ANKRD11: variants seen among roughly 807,000 people sequenced by gnomAD.
ANKRD11 encodes the protein ankyrin repeat domain 11.
A neutral mutation model predicts 195.7 loss-of-function variants in ANKRD11; 17 were observed. The observed-to-expected ratio is 0.09, with a 90% confidence interval of 0.06 to 0.13. ANKRD11 has a LOEUF of 0.13. Ranked by LOEUF, ANKRD11 falls within the 10% of genes least tolerant of loss-of-function variation. The pLI, the probability that ANKRD11 is intolerant of heterozygous loss-of-function variation, is 1.00. For missense variants in ANKRD11, 3,735 were observed against 3,566.1 expected, an observed-to-expected ratio of 1.05 and a Z score of -1.21; for synonymous variants, 1,953 against 1,528.1, an observed-to-expected ratio of 1.28 and a Z score of -6.49.
chr16:89,284,169 C>T lies in ANKRD11; in HGVS notation c.2373G>A (p.Lys791=), dbSNP rs138267414. 3.7e-4 allele frequency: 591 copies of T among 1,605,094 alleles called. No individual in the cohort carries two copies. Among genetic ancestry groups the T allele is most frequent in the Non-Finnish European group, 4.8e-4 (562 of 1,177,852 alleles). The change falls in exon 9 of 13, where the codon AAG becomes AAA. Residue 791 remains lysine, a synonymous_variant. Transcript: ENST00000301030. ...DLKEDKISKE[K]EKIFKEDKEK... ...CTTTATCTTCTTTAAAAATCTTCTC[C>T]TTCTCTTTTGAAATTTTGTCCTCTT...
chr16:89,426,152 G>C (rs941051567), intron 1 of ANKRD11, among the ~76,000 whole-genome samples: 1 of 152,086 alleles, frequency 6.6e-6, no homozygotes. Flanking sequence ...CCGGATCCAG[G>C]GGAATGGCAA....
intron 2 of ANKRD11, among the ~76,000 whole-genome samples, chr16:89,410,290 T>C (rs184531177): frequency 1.3e-5 from 2 of 152,234 alleles, no homozygotes; most frequent in Admixed American, 1.3e-4. Flanking sequence ...CCCCAAAAGC[T>C]GTAGTTAGTA....
intron 1 of ANKRD11, among the ~76,000 whole-genome samples, chr16:89,478,258 C>A (rs2057324144): frequency 6.6e-6 from 1 of 152,106 alleles, no homozygotes; most frequent in Admixed American, 6.5e-5. Context: ...CCCATTTTCA[C>A]ATCCAGGGTC....
At chr16:89,370,944 C>A (rs1426781992) in intron 2 of ANKRD11, among the ~76,000 whole-genome samples, 1 of 152,154 alleles carries the variant, frequency 6.6e-6, no homozygotes, top group South Asian at 2.1e-4. Flanking sequence ...GCCCAAGAAC[C>A]AAGCCCTGCG....
intron 2 of ANKRD11, among the ~76,000 whole-genome samples, chr16:89,415,204 C>T (rs1435081995): frequency 2.0e-5 from 3 of 151,752 alleles, no homozygotes; most frequent in Non-Finnish European, 2.9e-5. Flanking sequence ...TCTACCCACC[C>T]CTTCCTCCCA....
At chr16:89,298,026 G>GTGGGGT (rs1439270271) in intron 4 of ANKRD11, 1 of 151,814 alleles carries the variant, frequency 6.6e-6, no homozygotes, top group East Asian at 1.9e-4. Flanking sequence ...CCAGGCCGGG[G>GTGGGGT]TGGGGTAGGG....
At chr16:89,401,899 C>T (rs1393749731) in intron 2 of ANKRD11, among the ~76,000 whole-genome samples, 1 of 151,898 alleles carries the variant, frequency 6.6e-6, no homozygotes, top group Non-Finnish European at 1.5e-5. Context: ...CCAGAGACTC[C>T]CCCATCCCCC....
At chr16:89,297,791 C>T (rs1012553573) in intron 4 of ANKRD11, 1 of 151,974 alleles carries the variant, frequency 6.6e-6, no homozygotes, top group East Asian at 1.9e-4. Flanking sequence ...GTTTCTCTCT[C>T]TTTCTGCCTT....
chr16:89,308,783 G>GC (rs2036444267), intron 3 of ANKRD11, among the ~76,000 whole-genome samples: 1 of 152,192 alleles, frequency 6.6e-6, no homozygotes, highest in Non-Finnish European at 1.5e-5. Context: ...ATGGAATACC[G>GC]CAGGGGGTGC....
intron 2 of ANKRD11, among the ~76,000 whole-genome samples, chr16:89,375,493 CT>C (rs1357170784): frequency 2.0e-5 from 3 of 151,492 alleles, no homozygotes; most frequent in Non-Finnish European, 2.9e-5. Context: ...GAGTTTCACT[CT>C]TGTCGCCCGG....
chr16:89,374,435 A>C (rs1173464769), intron 2 of ANKRD11, among the ~76,000 whole-genome samples: 1 of 152,232 alleles, frequency 6.6e-6, no homozygotes, highest in Non-Finnish European at 1.5e-5. Context: ...TACAACAGGA[A>C]CTGTACATCC....
At chr16:89,391,938 G>A (rs894689710) in intron 2 of ANKRD11, among the ~76,000 whole-genome samples, 14 of 152,226 alleles carry the variant, frequency 9.2e-5, no homozygotes, top group Non-Finnish European at 1.6e-4. Context: ...TATACTGGTC[G>A]AAGCAAGCAT....
intron 1 of ANKRD11, among the ~76,000 whole-genome samples, chr16:89,452,793 A>G (rs1426196730): frequency 6.6e-6 from 1 of 151,636 alleles, no homozygotes; most frequent in Non-Finnish European, 1.5e-5. Flanking sequence ...AAAAAAAAAA[A>G]AAAAAAAAGA....
At chr16:89,463,866 A>G (rs1030399507) in intron 1 of ANKRD11, among the ~76,000 whole-genome samples, 3 of 152,172 alleles carry the variant, frequency 2.0e-5, no homozygotes, top group Non-Finnish European at 4.4e-5. Context: ...AACTTCTTCA[A>G]AACACCTATG....
At chr16:89,441,025 C>A (rs1304806942) in intron 1 of ANKRD11, among the ~76,000 whole-genome samples, 1 of 152,050 alleles carries the variant, frequency 6.6e-6, no homozygotes, top group African/African-American at 2.4e-5. Flanking sequence ...ATCATGAGGT[C>A]AGGAGATCGA....
rs142751531 is a variant in ANKRD11 at position 89,308,548 on chromosome 16, C to T, written c.88-3204G>A. ...ATCAGGAAAATGCAAATGACAGCCACGAGGAGATGCACACCAGCACCCCCA... is the reference window on the plus strand; with the variant it reads ...ATCAGGAAAATGCAAATGACAGCCATGAGGAGATGCACACCAGCACCCCCA... On this transcript the variant is annotated intron_variant, in intron 3 of 12. Transcript: ENST00000301030. 1.2e-3 allele frequency among the ~76,000 whole-genome samples: 178 copies of T among 152,304 alleles called. 1 individual carries two copies. Among genetic ancestry groups the T allele is most frequent in the African/African-American group, 3.9e-3 (164 of 41,558 alleles).
intron 1 of ANKRD11, among the ~76,000 whole-genome samples, chr16:89,456,405 G>T (rs905186097): frequency 1.3e-5 from 2 of 150,866 alleles, no homozygotes; most frequent in Non-Finnish European, 3.0e-5. Context: ...AAAATTAGCC[G>T]AGCGTGGTGG....
rs1372842572 is a variant in ANKRD11 at position 89,279,707 on chromosome 16, C to T, written c.6835G>A (p.Val2279Met). ...CCGTCTGCGGCCTGAGCTTGTGCCA[C>T]AGTGTTCGGGGCGGGGCCGTCAGGG... ...CAPDGPAPNT[V>M]AQAQAADGAG... The change falls in exon 9 of 13, where the codon GTG becomes ATG. Residue 2279 changes from valine to methionine, a missense_variant. By Grantham distance (21) the Val-to-Met change is conservative. Transcript: ENST00000301030. This position sits in a 1 kb window ranked among gnomAD's most constrained non-coding sequence, Gnocchi z 5.6. 4.6e-6 allele frequency: 7 copies of T among 1,520,040 alleles called. No homozygotes were observed. The highest frequency in any genetic ancestry group is 1.2e-5 in the South Asian group (1 of 82,382). 94.2% of individuals were successfully genotyped at this position (1,520,040 alleles called of 1,614,324 possible).
chr16:89,477,602 C>A (rs1482535812), intron 1 of ANKRD11, among the ~76,000 whole-genome samples: 1 of 151,792 alleles, frequency 6.6e-6, no homozygotes, highest in African/African-American at 2.4e-5. Context: ...GGTGATCCAC[C>A]CGCTTCAGCC....
Sources: allele counts gnomAD v4.1 joint callset (sites outside exome capture counted in the v4.1 genomes callset), GRCh38; gene constraint gnomAD v4.1.1; non-coding constraint Gnocchi (gnomAD v3.1); transcripts MANE v1.5; gene names NCBI Gene and HGNC (gene_info 2026-07-23, HGNC 2026-07-21).